The following DPP6 variants were observed in gnomAD, a reference collection of about 807,000 sequenced individuals.
DPP6 encodes the protein A-type potassium channel modulatory protein DPP6.
A neutral mutation model predicts 122.6 loss-of-function variants in DPP6; 69 were observed. The ratio of observed to expected loss-of-function variants is 0.56; its 90% CI spans 0.46 to 0.69. The LOEUF (loss-of-function observed/expected upper bound fraction) is 0.69. DPP6 is among the 30% of genes least tolerant of loss of function. The pLI is 0.00. For synonymous variants in DPP6, 418 were observed against 433.1 expected (o/e 0.97, Z 0.43); for missense variants, 928 against 1,116.9 (o/e 0.83, Z 2.41).
intron 5 of DPP6, among the ~76,000 whole-genome samples, chr7:154,586,706 A>C (rs1298522070): frequency 6.6e-6 from 1 of 152,174 alleles, no homozygotes; most frequent in South Asian, 2.1e-4. Flanking sequence ...CTTACTTGCC[A>C]CTAAACGAGT....
chr7:154,610,235 T>G (rs1456661096), intron 5 of DPP6, among the ~76,000 whole-genome samples: 1 of 151,886 alleles, frequency 6.6e-6, no homozygotes, highest in Non-Finnish European at 1.5e-5. Context: ...ACCAAATGAG[T>G]GGTATTGAGA....
chr7:154,363,448 A>G (rs1414768067), intron 1 of DPP6, among the ~76,000 whole-genome samples: 1 of 152,072 alleles, frequency 6.6e-6, no homozygotes, highest in Non-Finnish European at 1.5e-5. Flanking sequence ...TTTACTTATA[A>G]AAAGGTTCAA....
Position 154,608,341 on chromosome 7 carries a change from A to ATT in DPP6, c.628-29477_628-29476dup, listed in dbSNP as rs1554598275. The stretch of plus-strand genomic sequence containing the variant: ...TGATCATATATATATATATATATAT[A>ATT]TTTTGAGATGGAATCTCGCTCTGTT... On this transcript the variant is annotated intron_variant, in intron 5 of 25. Transcript: ENST00000377770. 6.0e-3 allele frequency among the ~76,000 whole-genome samples: 737 copies of ATT among 123,228 alleles called. 61 individuals carry two copies. Among genetic ancestry groups the ATT allele is most frequent in the African/African-American group, 7.8e-3 (276 of 35,172 alleles). 80.8% of individuals were successfully genotyped at this position (123,228 alleles called of 152,430 possible). A position where few individuals can be genotyped will look rare whatever the true frequency, so the allele number is the denominator to read the frequency against.
chr7:154,268,026 G>C (rs1803552738), intron 1 of DPP6, among the ~76,000 whole-genome samples: 1 of 151,952 alleles, frequency 6.6e-6, no homozygotes, highest in Admixed American at 6.6e-5. Context: ...ACGAACAAAA[G>C]CTCTTTGGGG....
At chr7:154,882,291 C>A (rs974671363) in intron 21 of DPP6, among the ~76,000 whole-genome samples, 1 of 152,240 alleles carries the variant, frequency 6.6e-6, no homozygotes, top group Non-Finnish European at 1.5e-5. Flanking sequence ...CCCCCGCACT[C>A]AGCTCCGCCG....
chr7:154,676,627 C>A (rs1018112504), intron 7 of DPP6, among the ~76,000 whole-genome samples: 9 of 152,264 alleles, frequency 5.9e-5, no homozygotes, highest in African/African-American at 2.2e-4. Flanking sequence ...AAGCCTGTGG[C>A]AGTTGTGGCT....
intron 1 of DPP6, among the ~76,000 whole-genome samples, chr7:154,030,536 C>T (rs1799173384): frequency 6.6e-6 from 1 of 152,192 alleles, no homozygotes; most frequent in South Asian, 2.1e-4. Context: ...AACGGTGCTT[C>T]CTGCTGCTCC....
At chr7:154,313,275 T>C (rs1807065962) in intron 1 of DPP6, among the ~76,000 whole-genome samples, 1 of 152,162 alleles carries the variant, frequency 6.6e-6, no homozygotes, top group Non-Finnish European at 1.5e-5. Context: ...CCAGGGTGCC[T>C]GGACCCAAGG....
At chr7:154,431,630 G>A (rs1485229818) in intron 1 of DPP6, among the ~76,000 whole-genome samples, 2 of 148,206 alleles carry the variant, frequency 1.3e-5, no homozygotes, top group African/African-American at 5.0e-5. Context: ...TACCTCCCAA[G>A]CTCAAGCAAT....
exon 1 of DPP6, chr7:153,887,669 C>T (rs1798990719): frequency 1.2e-6 from 2 of 1,613,732 alleles, no homozygotes; most frequent in Non-Finnish European, 1.7e-6. Flanking sequence ...AAGTCGGGTT[C>T]GGACTTGGGG....
rs573758431 is a variant in DPP6 at position 154,335,160 on chromosome 7, C to T, written c.244-111054C>T. On this transcript the variant is annotated intron_variant, in intron 1 of 25. Transcript: ENST00000377770. Reference sequence around the variant, plus strand: ...TGGTGGAAAGGAGCAGCTGATGTCACGCACTGTCTACTTAACATTGCCACG... The same window carrying T: ...TGGTGGAAAGGAGCAGCTGATGTCATGCACTGTCTACTTAACATTGCCACG... Among the ~76,000 whole-genome samples the T allele has an allele frequency of 4.1e-4, 63 of 152,320 alleles. 2 individuals carry two copies. The South Asian group carries it at 9.9e-3, about 24-fold the overall frequency.
In DPP6 at chr7:154,851,629, G is replaced by A. The variant is rs180907525; in HGVS notation, c.1667-2151G>A. ...GTATAAATATGTGGACTTTCAGATC[G>A]CTGTTCCCTCACTGGGTAGGGGGTG... On this transcript the variant is annotated intron_variant, in intron 16 of 25. Coordinates refer to ENST00000377770, the MANE Select transcript of DPP6 (RefSeq NM_130797.4). Among the ~76,000 whole-genome samples the A allele has an allele frequency of 1.1e-4, 17 of 152,246 alleles. 1 individual carries two copies. The highest frequency in any genetic ancestry group is 2.2e-4 in the African/African-American group (9 of 41,550).
chr7:153,866,426 T>A, the DPP6 span, among the ~76,000 whole-genome samples: 2 of 152,340 alleles, frequency 1.3e-5, no homozygotes, highest in East Asian at 3.9e-4. Context: ...TTTTTTCATG[T>A]GTTTTTTGTC....
intron 1 of DPP6, among the ~76,000 whole-genome samples, chr7:154,240,798 T>C (rs796729805): frequency 2.6e-5 from 4 of 152,336 alleles, no homozygotes; most frequent in African/African-American, 9.6e-5. Context: ...CAGCATTCTC[T>C]CCTCGGAATA....
At chr7:154,659,007 T>G (rs1210580327) in intron 6 of DPP6, among the ~76,000 whole-genome samples, 2 of 152,196 alleles carry the variant, frequency 1.3e-5, no homozygotes. Context: ...GAGCAGAGGA[T>G]GAATGACCAC....
In DPP6 at chr7:153,993,918, C is replaced by T. The variant is rs1227128365; in HGVS notation, c.51+106184C>T. On this transcript the variant is annotated intron_variant, in intron 1 of 25. Transcript: ENST00000404039. Reference sequence around the variant, plus strand: ...ATCTTGGCTAAGGTGCCAACTCTAACGATTCTAGAAGCTGTTGGTTAAGTG... The same window carrying T: ...ATCTTGGCTAAGGTGCCAACTCTAATGATTCTAGAAGCTGTTGGTTAAGTG... Among the ~76,000 whole-genome samples the T allele has an allele frequency of 7.9e-5, 12 of 152,100 alleles. No individual in the cohort carries two copies. In the South Asian group the frequency reaches 8.3e-4, roughly 10 times the overall value.
the DPP6 span, among the ~76,000 whole-genome samples, chr7:153,777,231 A>G: frequency 6.6e-6 from 1 of 152,362 alleles, no homozygotes; most frequent in Middle Eastern, 3.4e-3. Flanking sequence ...CAACAAAGCA[A>G]CAAGCTGACC....
the DPP6 span, among the ~76,000 whole-genome samples, chr7:153,773,009 C>A: frequency 7.7e-6 from 1 of 129,606 alleles, no homozygotes; most frequent in African/African-American, 2.7e-5. Context: ...AAAGAAAAGA[C>A]ATATATTATA....
chr7:154,492,586 A>G (rs1824373305), intron 3 of DPP6, among the ~76,000 whole-genome samples: 1 of 152,114 alleles, frequency 6.6e-6, no homozygotes, highest in South Asian at 2.1e-4. Context: ...ACCGGGTGTT[A>G]TGAGTACATC....
Sources: gnomAD v4.1 joint callset for allele counts (sites outside exome capture counted in the v4.1 genomes callset) on GRCh38, gnomAD v4.1.1 for gene constraint, MANE v1.5 for transcripts, NCBI Gene and HGNC (gene_info 2026-07-23, HGNC 2026-07-21) for gene names.